The following GLT1D1 variants were observed in gnomAD, a reference collection of about 807,000 sequenced individuals.
The protein encoded by GLT1D1 is glycosyltransferase 1 domain-containing protein 1.
Under a neutral mutation model 28.7 loss-of-function variants are expected in GLT1D1, and 21 were observed. The observed-to-expected ratio is 0.73, with a 90% CI of 0.52 to 1.05. The LOEUF is 1.05. Ranked by LOEUF, GLT1D1 falls within the 50% of genes least tolerant of loss-of-function variation. GLT1D1 has a pLI of 0.00. For missense variants in GLT1D1, 343 were observed against 330.6 expected, an observed-to-expected ratio of 1.04 and a Z score of -0.29; for synonymous variants, 147 against 124.8, an observed-to-expected ratio of 1.18 and a Z score of -1.19.
At chr12:128,899,365 T>C in intron 4 of GLT1D1, 78 bp downstream of exon 4, 2 of 1,183,906 alleles carry the variant, frequency 1.7e-6, no homozygotes, top group South Asian at 2.4e-5. Context: ...GCAGCCTTAC[T>C]GAGCTGACAG....
intron 7 of GLT1D1, among the ~76,000 whole-genome samples, chr12:128,964,102 T>C (rs1878225802): frequency 6.6e-6 from 1 of 152,156 alleles, no homozygotes; most frequent in South Asian, 2.1e-4. Context: ...ATAAGGACAC[T>C]AAACTTGGCC....
chr12:128,904,188 C>T (rs539268535), intron 4 of GLT1D1, among the ~76,000 whole-genome samples: 1 of 151,920 alleles, frequency 6.6e-6, no homozygotes. Context: ...CACACACATA[C>T]AATGTTTTCG....
At chr12:128,971,977 T>C (rs937567038) in intron 7 of GLT1D1, among the ~76,000 whole-genome samples, 1 of 145,474 alleles carries the variant, frequency 6.9e-6, no homozygotes, top group Admixed American at 7.2e-5. Flanking sequence ...TTGCACTTTA[T>C]ACGGGAGAAT....
At chr12:128,970,909 C>G (rs2135540382) in intron 7 of GLT1D1, among the ~76,000 whole-genome samples, 1 of 152,348 alleles carries the variant, frequency 6.6e-6, no homozygotes, top group Admixed American at 6.5e-5. Flanking sequence ...CTCGCAGGGA[C>G]TCTGATATGG....
chr12:128,982,935 G>A lies in GLT1D1; in HGVS notation c.646G>A (p.Val216Ile). The change falls in exon 8 of 8, where the codon GTT becomes ATT. Residue 216 changes from valine (V) to isoleucine (I), a missense_variant. Physicochemically the swap from Val to Ile is conservative, Grantham distance 29 (BLOSUM62 3). Coordinates refer to ENST00000281703, the MANE Select transcript of GLT1D1 (RefSeq NM_144669.3). ...TCTCCTTCCTTTTTTGCAGGAGTTT[G>A]TTCATCTGGCAAAGAGACTGGTTAG... The A allele has an allele frequency of 6.2e-7, 1 of 1,613,658 alleles. No homozygotes were observed. The highest frequency in any genetic ancestry group is 8.5e-7 in the Non-Finnish European group (1 of 1,179,824).
intron 4 of GLT1D1, among the ~76,000 whole-genome samples, chr12:128,917,406 G>A (rs1311388927): frequency 6.6e-6 from 1 of 152,050 alleles, no homozygotes; most frequent in East Asian, 1.9e-4. Flanking sequence ...CTCTCAAGTA[G>A]CTGGGATTAC....
intron 4 of GLT1D1, among the ~76,000 whole-genome samples, chr12:128,923,996 G>T (rs1355096177): frequency 6.6e-6 from 1 of 152,004 alleles, no homozygotes; most frequent in Non-Finnish European, 1.5e-5. Context: ...TGATGCTGGG[G>T]TTTGGCCCTG....
At chr12:128,944,696 C>A (rs2135487687) in intron 4 of GLT1D1, 3 of 678,262 alleles carry the variant, frequency 4.4e-6, no homozygotes, top group South Asian at 3.0e-5. Context: ...AACAGCTAGA[C>A]TGGGTGAGAT....
At position 128,942,735 on chromosome 12, in the gene GLT1D1, GT is replaced by G. The variant is rs1397894974; in HGVS notation, c.376-2588del. Among the ~76,000 whole-genome samples, 6 of 89,572 alleles carry G rather than the reference GT, an allele frequency of 6.7e-5. 1 individual carries two copies. The highest frequency in any genetic ancestry group is 1.7e-4 in the African/African-American group (4 of 23,172). The allele number at this position is 89,572 out of a possible 152,430, so 58.8% of individuals were successfully genotyped here. ...ATCACTTTAGATTCCAATTTTCTTTGTTTGTTTGTTTTTGTTTTTTGTTTTT... is the reference window on the plus strand; with the variant it reads ...ATCACTTTAGATTCCAATTTTCTTTGTTGTTTGTTTTTGTTTTTTGTTTTT... On this transcript the variant is annotated intron_variant, in intron 4 of 7. Transcript: ENST00000281703.
chr12:128,930,687 G>A (rs1240721402), intron 4 of GLT1D1, among the ~76,000 whole-genome samples: 2 of 152,180 alleles, frequency 1.3e-5, no homozygotes, highest in African/African-American at 2.4e-5. Flanking sequence ...GGGGGCAAAC[G>A]CAGGGGCACA....
intron 3 of GLT1D1, among the ~76,000 whole-genome samples, chr12:128,891,144 T>A (rs1010698631): frequency 2.7e-5 from 4 of 150,462 alleles, no homozygotes; most frequent in African/African-American, 9.7e-5. Context: ...AAATAAAAAA[T>A]TAAATAAAAT....
At chr12:128,875,020 C>G (rs73438361) in intron 1 of GLT1D1, among the ~76,000 whole-genome samples, 16,424 of 149,484 alleles carry the variant, frequency 0.11, 1,244 homozygotes, top group African/African-American at 0.22. Flanking sequence ...AAGGTGGAGA[C>G]AAAGAGAAGA....
At chr12:128,936,557 C>T (rs1183715109) in intron 4 of GLT1D1, among the ~76,000 whole-genome samples, 1 of 152,188 alleles carries the variant, frequency 6.6e-6, no homozygotes, top group Non-Finnish European at 1.5e-5. Flanking sequence ...TCTATTAAAG[C>T]TTCTTTGATC....
chr12:128,897,425 T>C (rs923363340), intron 3 of GLT1D1, among the ~76,000 whole-genome samples: 4 of 152,190 alleles, frequency 2.6e-5, no homozygotes, highest in African/African-American at 4.8e-5. Flanking sequence ...TTCATAGCTT[T>C]TTTTCTTTCT....
rs1593228130 is a variant in GLT1D1, at chr12:128,984,710, T to C, written c.*1620T>C. 1.3e-5 allele frequency: 2 copies of C among 151,878 alleles called. No individual in the cohort carries two copies. Among genetic ancestry groups the C allele is most frequent in the South Asian group, 4.2e-4 (2 of 4,802 alleles). 9.4% of individuals were successfully genotyped at this position (151,878 alleles called of 1,614,324 possible). A position where few individuals can be genotyped will look rare whatever the true frequency, so the allele number is the denominator to read the frequency against. ...AGGATGGCCTGGTCTGAATCTGGAG[T>C]AATTAATGCCACCCAAAGAAAAGGC... is the stretch of plus-strand genomic sequence containing the variant. On this transcript the variant is annotated 3_prime_UTR_variant, in exon 8 of 8. Coordinates refer to ENST00000281703, the MANE Select transcript of GLT1D1 (RefSeq NM_144669.3).
At chr12:128,855,793 C>T (rs1956204311) in intron 1 of GLT1D1, among the ~76,000 whole-genome samples, 1 of 135,184 alleles carries the variant, frequency 7.4e-6, no homozygotes, top group Admixed American at 7.9e-5. Context: ...CATTCTTTCG[C>T]CCAGGCTGGA....
chr12:128,969,030 C>T (rs867300317), intron 7 of GLT1D1, among the ~76,000 whole-genome samples: 1 of 151,994 alleles, frequency 6.6e-6, no homozygotes, highest in South Asian at 2.1e-4. Flanking sequence ...TGTAGCTCCT[C>T]TCTCCCTCTG....
chr12:128,862,282 T>C (rs1353136893), intron 1 of GLT1D1, among the ~76,000 whole-genome samples: 1 of 149,812 alleles, frequency 6.7e-6, no homozygotes, highest in African/African-American at 2.5e-5. Context: ...TGAGCCAAGA[T>C]TGCGCCACTG....
intron 1 of GLT1D1, chr12:128,864,246 T>A: frequency 1.8e-6 from 1 of 547,130 alleles, no homozygotes; most frequent in East Asian, 3.2e-5. Flanking sequence ...GGGCTGAAGA[T>A]GAGAAGCTGA....
Sources: allele counts gnomAD v4.1 joint callset (sites outside exome capture counted in the v4.1 genomes callset), GRCh38; gene constraint gnomAD v4.1.1; transcripts MANE v1.5; gene names NCBI Gene and HGNC (gene_info 2026-07-23, HGNC 2026-07-21).